SCN11A: variants seen among roughly 807,000 people sequenced by gnomAD.
SCN11A encodes sodium voltage-gated channel alpha subunit 11.
Under a neutral mutation model 162.2 loss-of-function variants are expected in SCN11A, and 122 were observed. The observed-to-expected ratio is 0.75, with a 90% confidence interval of 0.65 to 0.87. The LOEUF is 0.87. SCN11A is among the 40% of genes least tolerant of loss of function. The pLI is 0.00. For missense variants in SCN11A, 2,015 were observed against 2,181.6 expected (o/e 0.92, Z 1.52); for synonymous variants, 758 against 751.5 (o/e 1.01, Z -0.14).
chr3:38,863,433 A>C, intron 27 of SCN11A, 134 bp from the exon 28 acceptor site: 3 of 581,930 alleles, frequency 5.2e-6, no homozygotes, highest in Non-Finnish European at 9.1e-6. Context: ...TAAGCTTAAG[A>C]GACTGGACCA....
At chr3:38,874,472 C>T (rs981062734) in intron 23 of SCN11A, among the ~76,000 whole-genome samples, 1 of 152,108 alleles carries the variant, frequency 6.6e-6, no homozygotes, top group Non-Finnish European at 1.5e-5. Context: ...GTGGTGGGCG[C>T]CTGTAGTCCC....
rs189027666 is a variant in SCN11A, at chr3:38,861,760, C to T, written c.4056+1435G>A. On this transcript the variant is annotated intron_variant, in intron 28 of 29. Coordinates refer to ENST00000302328, the MANE Select transcript of SCN11A (RefSeq NM_001349253.2). ...TCAACTCAAGATGGATCAGACTTAACTCTAAGACCTGAAACCATACAAATT... is the reference window on the plus strand; with the variant it reads ...TCAACTCAAGATGGATCAGACTTAATTCTAAGACCTGAAACCATACAAATT... Among the ~76,000 whole-genome samples the T allele has an allele frequency of 5.3e-5, 8 of 152,126 alleles. No individual in the cohort carries two copies. In the East Asian group the frequency reaches 1.5e-3, roughly 29 times the overall value.
In SCN11A at chr3:38,945,599, C is replaced by T. The variant is rs1414752228; in HGVS notation, c.387-87G>A. On this transcript the variant is annotated intron_variant, in intron 6 of 29. Coordinates refer to ENST00000302328, the MANE Select transcript of SCN11A (RefSeq NM_001349253.2). ...AAGACTGGGGGTGCCCCTGATGGTCCCCTTTTCTGCAGGTGCATCTATCTT... is the reference window on the plus strand; with the variant it reads ...AAGACTGGGGGTGCCCCTGATGGTCTCCTTTTCTGCAGGTGCATCTATCTT... 3 of 767,286 alleles carry T rather than the reference C, an allele frequency of 3.9e-6. No homozygotes were observed. In the Admixed American group the frequency reaches 9.4e-5, roughly 24 times the overall value. 47.5% of individuals were successfully genotyped at this position (767,286 alleles called of 1,614,324 possible). A position where few individuals can be genotyped will look rare whatever the true frequency, so the allele number is the denominator to read the frequency against.
intron 2 of SCN11A, among the ~76,000 whole-genome samples, chr3:38,988,483 C>A (rs1295620559): frequency 1.3e-5 from 2 of 152,140 alleles, no homozygotes; most frequent in African/African-American, 2.4e-5. Context: ...ACCTTGCAGT[C>A]TCTTTCTGTC....
Position 38,950,157 on chromosome 3 carries a change from A to G in SCN11A, c.206T>C (p.Ile69Thr), listed in dbSNP as rs2066588294. The change falls in exon 5 of 30, where the codon ATT becomes ACT. Residue 69 changes from isoleucine to threonine, a missense_variant. By Grantham distance (89) the Ile-to-Thr change is moderately conservative (BLOSUM62 -1). Transcript: ENST00000302328. ...SRKLPKLYGD[I>T]PRELIGKPLE... ...AGGCTTTCCTATGAGCTCACGAGGA[A>G]TGTCGCCATAGAGCTTGGGCAACTT... 3 of 1,608,692 alleles carry G rather than the reference A, an allele frequency of 1.9e-6. No individual in the cohort carries two copies. The highest frequency in any genetic ancestry group is 2.5e-6 in the Non-Finnish European group (3 of 1,178,592).
chr3:38,897,311 T>C (rs1458340510), intron 17 of SCN11A, 86 bp from the exon 18 acceptor site: 2 of 1,325,892 alleles, frequency 1.5e-6, no homozygotes, highest in African/African-American at 3.0e-5. Flanking sequence ...AAATGACATA[T>C]ACCCAAACTT....
At chr3:39,038,236 G>A (rs188400471) in intron 1 of SCN11A, among the ~76,000 whole-genome samples, 2 of 152,270 alleles carry the variant, frequency 1.3e-5, no homozygotes, top group Admixed American at 6.5e-5. Context: ...AGCAGTTTAG[G>A]TGGTTGGTTG....
chr3:39,016,442 G>T (rs2031291037), intron 2 of SCN11A, among the ~76,000 whole-genome samples: 1 of 152,084 alleles, frequency 6.6e-6, no homozygotes. Context: ...ATTCCTTTGT[G>T]TAGATCCATG....
chr3:39,040,192 G>A (rs1210410527), intron 1 of SCN11A, among the ~76,000 whole-genome samples: 1 of 152,196 alleles, frequency 6.6e-6, no homozygotes, highest in Non-Finnish European at 1.5e-5. Flanking sequence ...AATGTCAACA[G>A]TCTATGCCAC....
At chr3:39,007,675 C>T (rs769094840) in intron 2 of SCN11A, among the ~76,000 whole-genome samples, 20 of 152,330 alleles carry the variant, frequency 1.3e-4, no homozygotes, top group Admixed American at 2.0e-4. Context: ...CCAAATCCAT[C>T]GGGAAAGGAG....
intron 2 of SCN11A, among the ~76,000 whole-genome samples, chr3:39,002,207 T>C (rs2030836498): frequency 6.6e-6 from 1 of 152,192 alleles, no homozygotes; most frequent in South Asian, 2.1e-4. Context: ...ATTACTGTAG[T>C]TTATAATAAC....
At chr3:38,893,060 G>T (rs534064305) in intron 19 of SCN11A, among the ~76,000 whole-genome samples, 18 of 152,166 alleles carry the variant, frequency 1.2e-4, no homozygotes, top group Non-Finnish European at 1.6e-4. Flanking sequence ...CAATCAGAAG[G>T]CAGAGATTGC....
rs377324020 is a variant in SCN11A, at chr3:38,899,863, G to T, written c.2022+31C>A. ...ACGTTTTTTCCACTTAGGCAGCTAC[G>T]TTTATGCAGTAAAATAAGAAAGTGC... On this transcript the variant is annotated intron_variant, in intron 17 of 29. Coordinates refer to ENST00000302328, the MANE Select transcript of SCN11A (RefSeq NM_001349253.2). The T allele has an allele frequency of 3.1e-6, 5 of 1,591,090 alleles. No individual in the cohort carries two copies. In the South Asian group the frequency reaches 4.5e-5, roughly 14 times the overall value.
In SCN11A at chr3:38,885,318, T is replaced by C; in HGVS notation, c.3034A>G (p.Lys1012Glu). The change falls in exon 21 of 30, where the codon AAA becomes GAA. Residue 1012 changes from lysine (K) to glutamate (E), a missense_variant. Transcript: ENST00000302328. ...GFGWLPEMVP[K>E]KQPERCLPKG... Reference sequence around the variant, plus strand: ...GGCAAACATCTCTCTGGTTGCTTTTTGGGAACCATCTCAGGTAACCATCCA... The same window carrying C: ...GGCAAACATCTCTCTGGTTGCTTTTCGGGAACCATCTCAGGTAACCATCCA... 1 of 1,612,812 alleles carries C rather than the reference T, an allele frequency of 6.2e-7. No homozygotes were observed. Among genetic ancestry groups the C allele is most frequent in the South Asian group, 1.1e-5 (1 of 91,040 alleles).
At position 39,001,167 on chromosome 3, in the gene SCN11A, C is replaced by A. The variant is rs534176745; in HGVS notation, c.-280+31213G>T. ...ACCATTTTAACCATCTGAAAGTGTA[C>A]AATTCAGTGGCTTTTGATATATTCA... On this transcript the variant is annotated intron_variant, in intron 2 of 29. Coordinates refer to ENST00000302328, the MANE Select transcript of SCN11A (RefSeq NM_001349253.2). 3.9e-5 allele frequency among the ~76,000 whole-genome samples: 6 copies of A among 152,342 alleles called. No individual in the cohort carries two copies. The South Asian group carries it at 1.2e-3, about 32-fold the overall frequency.
intron 2 of SCN11A, among the ~76,000 whole-genome samples, chr3:38,963,424 GATATATATATATATATATAT>G (rs2066759338): frequency 3.3e-5 from 2 of 61,456 alleles, no homozygotes; most frequent in African/African-American, 1.7e-4. Context: ...ATATGATGGA[GATATATATATATATATATAT>G]GATGGAGATA....
rs77142175 is a variant in SCN11A at position 39,023,735 on chromosome 3, C to G, written c.-280+8645G>C. On this transcript the variant is annotated intron_variant, in intron 2 of 29. Coordinates refer to ENST00000302328, the MANE Select transcript of SCN11A (RefSeq NM_001349253.2). ...TCGGCTCACTGCAACCTCTGCCTCCCGGGTTCAAGCGATTCTCCTGCCTCA... is the reference window on the plus strand; with the variant it reads ...TCGGCTCACTGCAACCTCTGCCTCCGGGGTTCAAGCGATTCTCCTGCCTCA... Among the ~76,000 whole-genome samples, 798 of 151,834 alleles carry G rather than the reference C, an allele frequency of 5.3e-3. 8 individuals are homozygous for G. The highest frequency in any genetic ancestry group is 0.018 in the African/African-American group (760 of 41,374).
In SCN11A at chr3:38,949,978, G is replaced by T. The variant is rs568642693; in HGVS notation, c.267+118C>A. ...TGCCAGGGGATGACAGCAAAGAAGA[G>T]GCACAGCCTGCCTGCTATAAACCCT... On this transcript the variant is annotated intron_variant, in intron 5 of 29. Coordinates refer to ENST00000302328, the MANE Select transcript of SCN11A (RefSeq NM_001349253.2). The T allele has an allele frequency of 1.4e-4, 98 of 677,162 alleles. No individual in the cohort carries two copies. In the African/African-American group the frequency reaches 1.5e-3, roughly 10 times the overall value. 41.9% of individuals were successfully genotyped at this position (677,162 alleles called of 1,614,324 possible).
intron 3 of SCN11A, among the ~76,000 whole-genome samples, chr3:38,957,133 T>C (rs1446727629): frequency 2.6e-5 from 4 of 152,162 alleles, no homozygotes; most frequent in Admixed American, 2.0e-4. Flanking sequence ...ACAATGATTA[T>C]TTTGTCAATT....
Sources: gnomAD v4.1 joint callset for allele counts (sites outside exome capture counted in the v4.1 genomes callset) on GRCh38, gnomAD v4.1.1 for gene constraint, MANE v1.5 for transcripts, NCBI Gene and HGNC (gene_info 2026-07-23, HGNC 2026-07-21) for gene names.